The following CADM2 variants were observed in gnomAD, a reference collection of about 807,000 sequenced individuals.
CADM2 encodes the protein cell adhesion molecule 2, also known as immunoglobulin superfamily member 4D.
Under a neutral mutation model 49.8 loss-of-function variants are expected in CADM2, and 12 were observed. The observed-to-expected ratio is 0.24, with a 90% CI of 0.15 to 0.39. CADM2 has a LOEUF of 0.39. Ranked by LOEUF, CADM2 falls within the 10% of genes least tolerant of loss-of-function variation. The probability of loss-of-function intolerance (pLI) is 1.00; values close to 1 mark genes in which losing one functional copy is unlikely to be tolerated. For synonymous variants in CADM2, 214 were observed against 175.4 expected (o/e 1.22, Z -1.74); for missense variants, 378 against 492.3 (o/e 0.77, Z 2.20).
intron 1 of CADM2, among the ~76,000 whole-genome samples, chr3:84,999,486 T>C: frequency 6.6e-6 from 1 of 152,146 alleles, no homozygotes; most frequent in East Asian, 1.9e-4. Flanking sequence ...TTAGGAGCAC[T>C]AGATAGATGG....
chr3:85,921,399 A>C (rs1577669418), intron 6 of CADM2, among the ~76,000 whole-genome samples: 1 of 152,174 alleles, frequency 6.6e-6, no homozygotes, highest in East Asian at 1.9e-4. Flanking sequence ...TCAATGTATT[A>C]GACTTTACTG....
At chr3:85,538,728 C>CA (rs78661387) in intron 1 of CADM2, among the ~76,000 whole-genome samples, 77,747 of 151,784 alleles carry the variant, frequency 0.51, 22,973 homozygotes, top group East Asian at 0.85. Flanking sequence ...AAAATCACTC[C>CA]CATTCACGGC....
At chr3:85,166,742 G>A (rs942402302) in intron 1 of CADM2, among the ~76,000 whole-genome samples, 3 of 151,862 alleles carry the variant, frequency 2.0e-5, no homozygotes, top group Non-Finnish European at 4.4e-5. Context: ...TTTAAATACT[G>A]TTTTTAGAAA....
At chr3:85,369,447 A>G (rs1435179526) in intron 1 of CADM2, among the ~76,000 whole-genome samples, 1 of 152,170 alleles carries the variant, frequency 6.6e-6, no homozygotes, top group African/African-American at 2.4e-5. Flanking sequence ...AGCTTGGCCA[A>G]CATGGCGAAA....
intron 8 of CADM2, among the ~76,000 whole-genome samples, chr3:86,035,562 AT>A (rs1331230230): frequency 6.6e-6 from 1 of 152,096 alleles, no homozygotes; most frequent in African/African-American, 2.4e-5. Context: ...TTTGAAAAAT[AT>A]TTTTTCTAAC....
At chr3:85,972,011 T>C (rs1030716480) in intron 8 of CADM2, among the ~76,000 whole-genome samples, 2 of 149,926 alleles carry the variant, frequency 1.3e-5, no homozygotes, top group African/African-American at 2.5e-5. Flanking sequence ...TTTAAAAGAG[T>C]TCCTTTTTAT....
chr3:85,531,634 C>T (rs1421834466), intron 1 of CADM2, among the ~76,000 whole-genome samples: 1 of 151,888 alleles, frequency 6.6e-6, no homozygotes, highest in Non-Finnish European at 1.5e-5. Flanking sequence ...TTTTTTTGCC[C>T]TCTCCTCCTA....
At chr3:85,332,086 C>T (rs140734630) in intron 1 of CADM2, among the ~76,000 whole-genome samples, 3 of 152,158 alleles carry the variant, frequency 2.0e-5, no homozygotes, top group African/African-American at 7.2e-5. Flanking sequence ...TAAATATCCT[C>T]ACATCAGTCA....
At chr3:85,811,296 T>C (rs886258027) in intron 3 of CADM2, among the ~76,000 whole-genome samples, 1 of 152,240 alleles carries the variant, frequency 6.6e-6, no homozygotes, top group Non-Finnish European at 1.5e-5. Flanking sequence ...TTAAGTCCTT[T>C]TAAAAGTTAT....
rs1197587188 is a variant in CADM2, at chr3:85,604,095, A to G, written c.62-122427A>G. On this transcript the variant is annotated intron_variant, in intron 1 of 9. Coordinates refer to ENST00000383699, the MANE Select transcript of CADM2 (RefSeq NM_001167675.2). ...TGGCTTCCCTTCTGTCATTCACCTA[A>G]TCATCATATGTAGGAGAGAAAGGAT... Among the ~76,000 whole-genome samples the G allele has an allele frequency of 2.0e-5, 3 of 151,902 alleles. No individual in the cohort carries two copies. In the East Asian group the frequency reaches 5.8e-4, roughly 29 times the overall value.
intron 1 of CADM2, among the ~76,000 whole-genome samples, chr3:85,253,671 C>T (rs755560667): frequency 1.3e-5 from 2 of 152,048 alleles, no homozygotes; most frequent in Non-Finnish European, 2.9e-5. Context: ...CTCTTTCTTG[C>T]TTAGCCTTAC....
At chr3:85,563,050 C>T (rs944888401) in intron 1 of CADM2, among the ~76,000 whole-genome samples, 4 of 152,038 alleles carry the variant, frequency 2.6e-5, no homozygotes, top group African/African-American at 9.7e-5. Flanking sequence ...ACTGATGCTA[C>T]AGTATCACAT....
intron 6 of CADM2, among the ~76,000 whole-genome samples, chr3:85,920,488 G>A (rs1485024306): frequency 6.6e-6 from 1 of 151,782 alleles, no homozygotes; most frequent in Non-Finnish European, 1.5e-5. Context: ...GATCTATGCT[G>A]TTTAGTAAGA....
chr3:85,909,476 AAG>A (rs1717273905), intron 5 of CADM2, among the ~76,000 whole-genome samples: 2 of 151,660 alleles, frequency 1.3e-5, no homozygotes, highest in South Asian at 4.2e-4. Context: ...GAGAGAGAAA[AAG>A]AGAAAAAGAT....
At chr3:85,009,535 T>G (rs973960255) in intron 1 of CADM2, among the ~76,000 whole-genome samples, 21 of 152,278 alleles carry the variant, frequency 1.4e-4, no homozygotes, top group South Asian at 1.0e-3. Context: ...TAAATACCAA[T>G]TCTTGATCCT....
intron 2 of CADM2, among the ~76,000 whole-genome samples, chr3:85,731,039 A>G (rs1577182972): frequency 6.6e-6 from 1 of 152,164 alleles, no homozygotes; most frequent in East Asian, 1.9e-4. Context: ...AAGGAGAATC[A>G]GTATTTCAAT....
intron 1 of CADM2, among the ~76,000 whole-genome samples, chr3:85,074,333 A>G (rs1358397542): frequency 6.6e-6 from 1 of 151,982 alleles, no homozygotes; most frequent in Admixed American, 6.6e-5. Context: ...AGTGGTGCTT[A>G]CCCTGACTCA....
chr3:85,584,662 G>T (rs2062888396), intron 1 of CADM2, among the ~76,000 whole-genome samples: 1 of 151,974 alleles, frequency 6.6e-6, no homozygotes, highest in East Asian at 1.9e-4. Flanking sequence ...AAAAAGAAAA[G>T]AAAAATAGGA....
chr3:85,368,206 CACTA>C (rs369532994), intron 1 of CADM2, among the ~76,000 whole-genome samples: 69 of 152,104 alleles, frequency 4.5e-4, no homozygotes, highest in African/African-American at 9.2e-4. Context: ...GATGATACAT[CACTA>C]ACTATTGTTC....
Sources: allele counts gnomAD v4.1 joint callset (sites outside exome capture counted in the v4.1 genomes callset), GRCh38; gene constraint gnomAD v4.1.1; transcripts MANE v1.5; gene names NCBI Gene and HGNC (gene_info 2026-07-23, HGNC 2026-07-21).